SAMD3: variants seen among roughly 807,000 people sequenced by gnomAD.
SAMD3 encodes sterile alpha motif domain containing 3, also known as sterile alpha motif domain-containing protein 3.
SAMD3 carries 63 observed loss-of-function variants against 58.5 expected under a neutral mutation model. That is an observed-to-expected ratio of 1.08 (90% confidence interval 0.88 to 1.33). The LOEUF is 1.33. Among genes scored for constraint, SAMD3 ranks in the 40% most tolerant of loss-of-function variants. The pLI, the probability that SAMD3 is intolerant of heterozygous loss-of-function variation, is 0.00. For missense variants in SAMD3, 604 were observed against 608.4 expected, an observed-to-expected ratio of 0.99 and a Z score of 0.08; for synonymous variants, 220 against 210.3, an observed-to-expected ratio of 1.05 and a Z score of -0.40.
intron 1 of SAMD3, among the ~76,000 whole-genome samples, chr6:130,315,656 A>G: frequency 6.6e-6 from 1 of 152,118 alleles, no homozygotes; most frequent in East Asian, 1.9e-4. Context: ...TAAGTTATTC[A>G]GGATAGTAAC....
intron 7 of SAMD3, among the ~76,000 whole-genome samples, chr6:130,178,343 G>C (rs915271017): frequency 1.3e-5 from 2 of 150,736 alleles, no homozygotes; most frequent in African/African-American, 2.5e-5. Flanking sequence ...CTGCAATGCC[G>C]TGTGATTGAA....
At chr6:130,255,880 C>A (rs1583013696) in intron 2 of SAMD3, among the ~76,000 whole-genome samples, 1 of 151,486 alleles carries the variant, frequency 6.6e-6, no homozygotes, top group Non-Finnish European at 1.5e-5. Context: ...ACCATTCAGT[C>A]ATTTTATGTC....
intron 3 of SAMD3, among the ~76,000 whole-genome samples, chr6:130,214,971 TTTTA>T (rs1227589789): frequency 2.0e-5 from 3 of 152,208 alleles, no homozygotes; most frequent in Non-Finnish European, 4.4e-5. Flanking sequence ...CGTAAGACTT[TTTTA>T]TTTGAGTTCT....
upstream of SAMD3, among the ~76,000 whole-genome samples, chr6:130,227,416 C>T (rs73614564): frequency 0.081 from 12,331 of 152,140 alleles, 892 homozygotes; most frequent in African/African-American, 0.2. Context: ...TTTTGAATAA[C>T]GCTGATACGA....
chr6:130,205,039 C>G (rs1053107052), intron 5 of SAMD3, among the ~76,000 whole-genome samples: 1 of 151,658 alleles, frequency 6.6e-6, no homozygotes, highest in East Asian at 1.9e-4. Context: ...ACTTGTTCCC[C>G]ACCTCTCTCT....
chr6:130,261,717 A>G (rs1224434052), intron 2 of SAMD3, among the ~76,000 whole-genome samples: 1 of 152,196 alleles, frequency 6.6e-6, no homozygotes, highest in East Asian at 1.9e-4. Context: ...GTACTATGAC[A>G]CCAGGAAAAC....
chr6:130,297,468 A>G (rs756624836), intron 2 of SAMD3, among the ~76,000 whole-genome samples: 2 of 152,242 alleles, frequency 1.3e-5, no homozygotes, highest in Non-Finnish European at 2.9e-5. Flanking sequence ...GAACTCTGAA[A>G]GTACTAAAAG....
Position 130,209,549 on chromosome 6 carries a change from T to A in SAMD3, c.329A>T (p.Tyr110Phe). 2.5e-6 allele frequency: 4 copies of A among 1,614,062 alleles called. No homozygotes were observed. Among genetic ancestry groups the A allele is most frequent in the Non-Finnish European group, 3.4e-6 (4 of 1,179,912 alleles). Residue 110 changes from tyrosine to phenylalanine, a missense_variant, in exon 5 of 12, where the codon TAT becomes TTT. Tyr to Phe is a conservative substitution (Grantham distance 22). Coordinates refer to ENST00000439090, the MANE Select transcript of SAMD3 (RefSeq NM_001017373.4). ...TCCATTATCAAGGTTTTCAGCTGGA[T>A]AGAAAGATGGCATCTGCTCCCCATG... Reference protein sequence around the residue: ...ARHGEQMPSFYPAENLDNGLI... With the variant: ...ARHGEQMPSFFPAENLDNGLI...
At chr6:130,155,169 T>C (rs1011424159) in intron 8 of SAMD3, 144 bp from the exon 9 acceptor site, 2 of 603,664 alleles carry the variant, frequency 3.3e-6, no homozygotes, top group African/African-American at 3.7e-5. Context: ...AACTAATAAA[T>C]GGACAGTCTT....
chr6:130,228,803 G>C (rs941651348), intron 2 of SAMD3, among the ~76,000 whole-genome samples: 1 of 152,192 alleles, frequency 6.6e-6, no homozygotes, highest in African/African-American at 2.4e-5. Context: ...GGATTTCTAC[G>C]TGTGTCTGGG....
At chr6:130,255,338 C>T (rs1773887544) in intron 2 of SAMD3, among the ~76,000 whole-genome samples, 1 of 152,096 alleles carries the variant, frequency 6.6e-6, no homozygotes, top group South Asian at 2.1e-4. Context: ...TGTTTGAGTC[C>T]AGTGTTTCCT....
At chr6:130,364,995 TG>T (rs147179004) in intron 1 of SAMD3, 65 of 160,558 alleles carry the variant, frequency 4.0e-4, no homozygotes, top group Non-Finnish European at 7.7e-4. Flanking sequence ...ATATCATACT[TG>T]CCTTCTATCA....
intron 2 of SAMD3, among the ~76,000 whole-genome samples, chr6:130,282,079 A>C (rs2089998): frequency 0.32 from 48,382 of 152,028 alleles, 7,926 homozygotes; most frequent in East Asian, 0.47. Context: ...GGAAAGTCTT[A>C]CCTGGCTGAG....
At position 130,145,370 on chromosome 6, in the gene SAMD3, A is replaced by C. The variant is rs1338160049; in HGVS notation, c.1248T>G (p.Asp416Glu). The change falls in exon 11 of 12, where the codon GAT (aspartate) becomes GAG (glutamate). Residue 416 changes from aspartate (D) to glutamate (E), a missense_variant. By Grantham distance (45) the Asp-to-Glu change is conservative. Transcript: ENST00000439090. ...CLLLPDVFGD[D>E]PSLFVIMNEQ... ...CATTCATGATGACAAAAAGGCTGGG[A>C]TCATCCCCAAAAACATCTGGGAGGA... 1 of 1,611,338 alleles carries C rather than the reference A, an allele frequency of 6.2e-7. No individual in the cohort carries two copies. The highest frequency in any genetic ancestry group is 8.5e-7 in the Non-Finnish European group (1 of 1,178,214).
intron 5 of SAMD3, among the ~76,000 whole-genome samples, chr6:130,198,888 A>G (rs1319234300): frequency 6.6e-6 from 1 of 152,158 alleles, no homozygotes; most frequent in Non-Finnish European, 1.5e-5. Context: ...CAGAGTTCAT[A>G]TCACACTCAG....
At chr6:130,293,798 C>T (rs887461640) in intron 2 of SAMD3, among the ~76,000 whole-genome samples, 4 of 151,766 alleles carry the variant, frequency 2.6e-5, no homozygotes, top group African/African-American at 7.3e-5. Flanking sequence ...GTTTTTAGTG[C>T]TCCATACTAC....
At chr6:130,193,834 T>G (rs150115877) in intron 5 of SAMD3, among the ~76,000 whole-genome samples, 3,100 of 152,260 alleles carry the variant, frequency 0.02, 103 homozygotes, top group African/African-American at 0.071. Context: ...GTGCCTGATG[T>G]CCAGGCATTC....
chr6:130,276,233 G>T (rs1774771692), intron 2 of SAMD3, among the ~76,000 whole-genome samples: 1 of 152,120 alleles, frequency 6.6e-6, no homozygotes, highest in South Asian at 2.1e-4. Flanking sequence ...AAGGAACTCA[G>T]GCCTAATGAT....
intron 1 of SAMD3, among the ~76,000 whole-genome samples, chr6:130,353,242 C>T (rs1001942370): frequency 6.6e-6 from 1 of 152,252 alleles, no homozygotes; most frequent in Middle Eastern, 3.4e-3. Context: ...GATAGCTCTG[C>T]ATTTTGGAGT....
Sources: gnomAD v4.1 joint callset for allele counts (sites outside exome capture counted in the v4.1 genomes callset) on GRCh38, gnomAD v4.1.1 for gene constraint, MANE v1.5 for transcripts, NCBI Gene and HGNC (gene_info 2026-07-23, HGNC 2026-07-21) for gene names.